The following ANK3 variants were observed in gnomAD, a reference collection of about 807,000 sequenced individuals.
The protein encoded by ANK3 is ankyrin-3.
ANK3 carries 57 observed loss-of-function variants against 370.9 expected under a neutral mutation model. That is an observed-to-expected ratio of 0.15 (90% CI 0.12 to 0.19). The LOEUF is 0.19. Among genes scored for constraint, ANK3 ranks in the 10% least tolerant of loss-of-function variants. ANK3 has a pLI of 1.00. For missense variants in ANK3, 4,439 were observed against 5,302.1 expected (o/e 0.84, Z 5.06); for synonymous variants, 1,929 against 1,946.3 (o/e 0.99, Z 0.23).
At chr10:60,213,904 A>G (rs895277916) in intron 8 of ANK3, among the ~76,000 whole-genome samples, 3 of 152,136 alleles carry the variant, frequency 2.0e-5, no homozygotes, top group Non-Finnish European at 4.4e-5. Flanking sequence ...TTTCCCCTAC[A>G]TAATTTTATC....
Position 60,200,306 on chromosome 10 carries a change from T to C in ANK3, c.1393-79A>G, listed in dbSNP as rs750163959. 1.5e-5 allele frequency: 17 copies of C among 1,136,858 alleles called. No individual in the cohort carries two copies. The South Asian group carries it at 2.2e-4, about 15-fold the overall frequency. The allele number at this position is 1,136,858 out of a possible 1,614,324, so 70.4% of individuals were successfully genotyped here. ...ATTTTATTTGGCATAAAGCTTATGA[T>C]GGACTTTTTTCAAAAATAAAAAATA... On this transcript the variant is annotated intron_variant, in intron 12 of 43. Transcript: ENST00000280772.
At chr10:60,336,080 C>A (rs746196145) in intron 1 of ANK3, among the ~76,000 whole-genome samples, 1 of 150,068 alleles carries the variant, frequency 6.7e-6, no homozygotes, top group Non-Finnish European at 1.5e-5. Context: ...GGATTTTTAA[C>A]ATAGTTTGGC....
intron 1 of ANK3, among the ~76,000 whole-genome samples, chr10:60,620,538 T>C (rs986376065): frequency 5.3e-5 from 8 of 152,210 alleles, no homozygotes; most frequent in African/African-American, 1.7e-4. Flanking sequence ...AGCCTATATC[T>C]GAACCCAGGT....
chr10:60,654,022 T>C (rs1204183408), intron 1 of ANK3, among the ~76,000 whole-genome samples: 1 of 152,226 alleles, frequency 6.6e-6, no homozygotes, highest in African/African-American at 2.4e-5. Flanking sequence ...TTCAGCCATG[T>C]TTTTGTATTT....
intron 2 of ANK3, among the ~76,000 whole-genome samples, chr10:60,475,602 T>C (rs936865275): frequency 6.6e-6 from 1 of 152,180 alleles, no homozygotes; most frequent in Admixed American, 6.5e-5. Flanking sequence ...AAAAGCCAAA[T>C]AGTTTAATTT....
At chr10:60,114,961 G>T (rs888096807) in intron 25 of ANK3, among the ~76,000 whole-genome samples, 3 of 152,146 alleles carry the variant, frequency 2.0e-5, no homozygotes, top group Non-Finnish European at 4.4e-5. Flanking sequence ...TTAACCTACA[G>T]GGGTCACTGT....
intron 4 of ANK3, among the ~76,000 whole-genome samples, chr10:60,271,885 G>T (rs761631756): frequency 4.0e-5 from 6 of 150,560 alleles, no homozygotes; most frequent in East Asian, 1.9e-4. Context: ...GCACAGAATT[G>T]TAACAAGTTA....
chr10:60,598,752 T>C (rs910531879), intron 2 of ANK3, among the ~76,000 whole-genome samples: 31 of 152,208 alleles, frequency 2.0e-4, no homozygotes, highest in Admixed American at 1.9e-3. Context: ...TGCTAAATAG[T>C]AACATCACTA....
chr10:60,624,842 G>C (rs2078386817), intron 1 of ANK3, among the ~76,000 whole-genome samples: 1 of 152,028 alleles, frequency 6.6e-6, no homozygotes, highest in Non-Finnish European at 1.5e-5. Flanking sequence ...GTTTTCCTGA[G>C]AGAAAATAAT....
intron 1 of ANK3, among the ~76,000 whole-genome samples, chr10:60,282,053 A>G (rs2098170977): frequency 6.6e-6 from 1 of 152,212 alleles, no homozygotes; most frequent in Non-Finnish European, 1.5e-5. Context: ...TAGCCACGCA[A>G]GGATGGCTCA....
At chr10:60,084,900 AT>A in intron 31 of ANK3, 70 bp from the exon 32 acceptor site, 1 of 1,189,812 alleles carries the variant, frequency 8.4e-7, no homozygotes, top group Non-Finnish European at 1.2e-6. Context: ...AAGACTCACA[AT>A]TAAAAAAATC....
At chr10:60,617,529 C>T (rs140584513) in intron 1 of ANK3, among the ~76,000 whole-genome samples, 3 of 152,236 alleles carry the variant, frequency 2.0e-5, no homozygotes, top group Admixed American at 6.5e-5. Context: ...ATCTATCTTG[C>T]AGCCTTGTTG....
chr10:60,541,561 C>T (rs1002064840), intron 2 of ANK3, among the ~76,000 whole-genome samples: 3 of 151,826 alleles, frequency 2.0e-5, no homozygotes, highest in Non-Finnish European at 2.9e-5. Context: ...TGGAAAAACA[C>T]AAAGTGCCGA....
At chr10:60,450,416 A>G (rs574826109) in intron 2 of ANK3, among the ~76,000 whole-genome samples, 8 of 152,220 alleles carry the variant, frequency 5.3e-5, no homozygotes, top group Non-Finnish European at 1.2e-4. Flanking sequence ...TGAATATTTA[A>G]CAATCAGCAA....
intron 1 of ANK3, among the ~76,000 whole-genome samples, chr10:60,374,638 T>C (rs1484095404): frequency 6.6e-6 from 1 of 152,164 alleles, no homozygotes; most frequent in East Asian, 1.9e-4. Context: ...TGGAATATCA[T>C]GTTAAAAACA....
chr10:60,652,672 G>A (rs1331246466), intron 1 of ANK3, among the ~76,000 whole-genome samples: 1 of 140,686 alleles, frequency 7.1e-6, no homozygotes, highest in East Asian at 2.2e-4. Flanking sequence ...TTGAGGAGGT[G>A]ACACCCTTCC....
intron 25 of ANK3, among the ~76,000 whole-genome samples, chr10:60,116,930 C>T (rs1435576495): frequency 1.3e-5 from 2 of 152,140 alleles, no homozygotes; most frequent in Non-Finnish European, 2.9e-5. Flanking sequence ...CGTAACATTT[C>T]AGAATTCGGA....
intron 2 of ANK3, among the ~76,000 whole-genome samples, chr10:60,458,371 G>A (rs1193701937): frequency 6.6e-6 from 1 of 152,026 alleles, no homozygotes; most frequent in African/African-American, 2.4e-5. Context: ...ATCTCTTAGG[G>A]AGGGTCCTAA....
chr10:60,278,907 G>C (rs375683961), intron 3 of ANK3, 35 bp from the exon 4 acceptor site: 1 of 1,599,824 alleles, frequency 6.3e-7, no homozygotes, highest in Non-Finnish European at 8.6e-7. Flanking sequence ...TCAACTCATC[G>C]ATCTTTTGAA....
Sources: allele counts gnomAD v4.1 joint callset (sites outside exome capture counted in the v4.1 genomes callset), GRCh38; gene constraint gnomAD v4.1.1; transcripts MANE v1.5; gene names NCBI Gene and HGNC (gene_info 2026-07-23, HGNC 2026-07-21).